ELP4: variants seen among roughly 807,000 people sequenced by gnomAD.
The protein encoded by ELP4 is elongator complex protein 4.
A neutral mutation model predicts 48.9 loss-of-function variants in ELP4; 51 were observed. The observed-to-expected ratio is 1.04, with a 90% CI of 0.83 to 1.32. ELP4 has a LOEUF of 1.32. ELP4 is among the 40% of genes most tolerant of loss of function. ELP4 has a pLI of 0.00. For missense variants in ELP4, 519 were observed against 514.6 expected (o/e 1.01, Z -0.08); for synonymous variants, 210 against 189.2 (o/e 1.11, Z -0.90).
Position 31,712,033 on chromosome 11 carries a change from T to G in ELP4, c.1143+61812T>G, listed in dbSNP as rs184543723. ...TAAACCATGGGTCAGTGAGCTCATG[T>G]TGATTCTCATATGAATGATGGGCTT... On this transcript the variant is annotated intron_variant, in intron 9 of 9. Coordinates refer to ENST00000640961, the MANE Select transcript of ELP4 (RefSeq NM_019040.5). Among the ~76,000 whole-genome samples the G allele has an allele frequency of 2.0e-5, 3 of 152,180 alleles. No individual in the cohort carries two copies. The East Asian group carries it at 5.8e-4, about 29-fold the overall frequency.
intron 9 of ELP4, among the ~76,000 whole-genome samples, chr11:31,751,450 G>A (rs1947718635): frequency 6.6e-6 from 1 of 152,126 alleles, no homozygotes; most frequent in Non-Finnish European, 1.5e-5. Context: ...TCAGACAAGA[G>A]ATACACAGGA....
chr11:31,783,363 T>C, intron 9 of ELP4, 30 bp from the exon 10 acceptor site: 1 of 1,590,600 alleles, frequency 6.3e-7, no homozygotes, highest in Middle Eastern at 1.7e-4. Context: ...CTTTCTTCTT[T>C]TTTTCTTCTC....
At chr11:31,570,076 C>A (rs1473422256) in intron 3 of ELP4, among the ~76,000 whole-genome samples, 1 of 152,158 alleles carries the variant, frequency 6.6e-6, no homozygotes, top group African/African-American at 2.4e-5. Flanking sequence ...TACATTGTAG[C>A]ACTATTCTCA....
At chr11:31,533,125 C>T (rs992147831) in intron 2 of ELP4, among the ~76,000 whole-genome samples, 4 of 151,954 alleles carry the variant, frequency 2.6e-5, no homozygotes, top group Admixed American at 2.6e-4. Flanking sequence ...TGAAGTCTGG[C>T]TTCTTCATGT....
intron 9 of ELP4, among the ~76,000 whole-genome samples, chr11:31,697,478 A>G (rs1946434701): frequency 6.6e-6 from 1 of 152,116 alleles, no homozygotes. Context: ...AAATCATCTT[A>G]CTAAAATTCT....
chr11:31,646,897 A>ATATT (rs1565094698), intron 7 of ELP4: 1 of 151,534 alleles, frequency 6.6e-6, no homozygotes, highest in African/African-American at 2.4e-5. Flanking sequence ...ACCCTACCAG[A>ATATT]TATTTGATGA....
chr11:31,694,516 G>A (rs572848668), intron 9 of ELP4, among the ~76,000 whole-genome samples: 58 of 152,082 alleles, frequency 3.8e-4, no homozygotes, highest in African/African-American at 1.3e-3. Flanking sequence ...TGTTCCATTG[G>A]TCTATATCTC....
intron 9 of ELP4, chr11:31,652,322 TCAAA>T (rs969971907): frequency 3.2e-4 from 48 of 151,738 alleles, no homozygotes; most frequent in African/African-American, 9.6e-4. Flanking sequence ...AATTAAGGAA[TCAAA>T]CAAACCAAAT....
intron 3 of ELP4, among the ~76,000 whole-genome samples, chr11:31,543,265 G>A (rs549109774): frequency 6.6e-6 from 1 of 152,210 alleles, no homozygotes; most frequent in South Asian, 2.1e-4. Context: ...TGAAAAATAT[G>A]CCACGATTCT....
intron 9 of ELP4, among the ~76,000 whole-genome samples, chr11:31,774,253 G>A (rs768608019): frequency 3.7e-4 from 56 of 152,304 alleles, no homozygotes; most frequent in Non-Finnish European, 7.2e-4. Context: ...TAGCTGCCTT[G>A]AAGCCATCTA....
At chr11:31,673,099 C>T (rs1490050853) in intron 9 of ELP4, among the ~76,000 whole-genome samples, 1 of 152,026 alleles carries the variant, frequency 6.6e-6, no homozygotes, top group Non-Finnish European at 1.5e-5. Context: ...TCACTGCAAC[C>T]TCCGCCTTCT....
intron 9 of ELP4, among the ~76,000 whole-genome samples, chr11:31,728,621 G>A (rs1947125051): frequency 6.6e-6 from 1 of 152,154 alleles, no homozygotes; most frequent in Admixed American, 6.5e-5. Flanking sequence ...GCAGTGCTCT[G>A]CTGAAAAACA....
intron 9 of ELP4, among the ~76,000 whole-genome samples, chr11:31,718,273 T>C (rs1266343764): frequency 6.6e-6 from 1 of 152,244 alleles, no homozygotes; most frequent in Admixed American, 6.5e-5. Flanking sequence ...TCTGAGGTGA[T>C]ATCTTGCAAG....
intron 8 of ELP4, chr11:31,649,202 C>T (rs1219933253): frequency 6.6e-6 from 1 of 151,664 alleles, no homozygotes; most frequent in Non-Finnish European, 1.5e-5. Context: ...TTTAAACACA[C>T]ATACAAAACC....
intron 9 of ELP4, among the ~76,000 whole-genome samples, chr11:31,738,605 A>G (rs1947374378): frequency 6.6e-6 from 1 of 151,922 alleles, no homozygotes; most frequent in Admixed American, 6.6e-5. Context: ...GCATGGTGGA[A>G]TGCGCCTATA....
chr11:31,548,787 G>C lies in ELP4; in HGVS notation c.381+9004G>C, dbSNP rs1034318432. Among the ~76,000 whole-genome samples, 26 of 152,270 alleles carry C rather than the reference G, an allele frequency of 1.7e-4. No individual in the cohort carries two copies. The East Asian group carries it at 2.5e-3, about 15-fold the overall frequency. ...AGCATGGTACTGGTACCAAAACAGA[G>C]ATATAGATCAATGGAACAGAACAGA... On this transcript the variant is annotated intron_variant, in intron 3 of 9. Coordinates refer to ENST00000640961, the MANE Select transcript of ELP4 (RefSeq NM_019040.5).
At chr11:31,567,411 G>A (rs983282042) in intron 3 of ELP4, among the ~76,000 whole-genome samples, 2 of 152,050 alleles carry the variant, frequency 1.3e-5, no homozygotes, top group African/African-American at 4.8e-5. Context: ...TGGATTTTTG[G>A]CTGAAACATT....
intron 3 of ELP4, among the ~76,000 whole-genome samples, chr11:31,546,522 A>T (rs1393747325): frequency 6.6e-6 from 1 of 152,180 alleles, no homozygotes; most frequent in Non-Finnish European, 1.5e-5. Flanking sequence ...TTAGACTCCC[A>T]CACATTAATA....
chr11:31,669,288 GT>G (rs1198421952), intron 9 of ELP4, among the ~76,000 whole-genome samples: 1 of 151,896 alleles, frequency 6.6e-6, no homozygotes, highest in Non-Finnish European at 1.5e-5. Flanking sequence ...GTTTCACCAT[GT>G]TGGCCAGAAT....
Sources: gnomAD v4.1 joint callset for allele counts (sites outside exome capture counted in the v4.1 genomes callset) on GRCh38, gnomAD v4.1.1 for gene constraint, MANE v1.5 for transcripts, NCBI Gene and HGNC (gene_info 2026-07-23, HGNC 2026-07-21) for gene names.